The following CNNM4 variants were observed in gnomAD, a reference collection of about 807,000 sequenced individuals.
The protein encoded by CNNM4 is cyclin and CBS domain divalent metal cation transport mediator 4, also known as metal transporter CNNM4.
In CNNM4, 32 loss-of-function variants were observed where a neutral mutation model predicts 53.7. The observed-to-expected ratio is 0.60, with a 90% CI of 0.45 to 0.80. The LOEUF (loss-of-function observed/expected upper bound fraction) is 0.80, where lower values mean the gene tolerates loss of function less well. CNNM4 is among the 30% of genes least tolerant of loss of function. The probability of loss-of-function intolerance (pLI) is 0.00; values close to 1 mark genes in which losing one functional copy is unlikely to be tolerated. For missense variants in CNNM4, 784 were observed against 1,022.0 expected (o/e 0.77, Z 3.17); for synonymous variants, 410 against 440.0 (o/e 0.93, Z 0.85).
intron 5 of CNNM4, among the ~76,000 whole-genome samples, chr2:96,799,996 A>G (rs2153349917): frequency 6.6e-6 from 1 of 152,286 alleles, no homozygotes; most frequent in African/African-American, 2.4e-5. Context: ...TCCTGAGGAC[A>G]GGAGGGGAGT....
In CNNM4 at chr2:96,801,281, AT is replaced by A; in HGVS notation, c.1948+1636del. The stretch of plus-strand genomic sequence containing the variant: ...AGTGGCTCTGCTTGGCTGGGGCCCA[AT>A]TTCTAGGCAGCTTTGCTGCCTCAGC... On this transcript the variant is annotated intron_variant, in intron 5 of 6. Transcript: ENST00000377075. This position sits in a 1 kb window ranked among gnomAD's most constrained non-coding sequence, Gnocchi z 5.6. 1 of 292,622 alleles carries A rather than the reference AT, an allele frequency of 3.4e-6. No homozygotes were observed. The highest frequency in any genetic ancestry group is 5.1e-6 in the Non-Finnish European group (1 of 196,604). 18.1% of individuals were successfully genotyped at this position (292,622 alleles called of 1,614,324 possible). A position where few individuals can be genotyped will look rare whatever the true frequency, so the allele number is the denominator to read the frequency against.
chr2:96,760,920 G>T lies in CNNM4; in HGVS notation c.-80G>T, dbSNP rs1250143204. ...CCCGGGCAGTTGGCTCGGCGGCAGC[G>T]GAGCGGCCGGAGCTGCGGTGCGGAC... is the stretch of plus-strand genomic sequence containing the variant. On this transcript the variant is annotated 5_prime_UTR_variant, in exon 1 of 7. Coordinates refer to ENST00000377075, the MANE Select transcript of CNNM4 (RefSeq NM_020184.4). 27 of 791,138 alleles carry T rather than the reference G, an allele frequency of 3.4e-5. No individual in the cohort carries two copies. Among genetic ancestry groups the T allele is most frequent in the Non-Finnish European group, 4.0e-5 (26 of 652,310 alleles). 49.0% of individuals were successfully genotyped at this position (791,138 alleles called of 1,614,324 possible).
intron 1 of CNNM4, among the ~76,000 whole-genome samples, chr2:96,768,668 G>T (rs1156410327): frequency 6.6e-6 from 1 of 152,218 alleles, no homozygotes; most frequent in Admixed American, 6.5e-5. Context: ...GAGGTAAGTG[G>T]TGGTCATAAT....
At chr2:96,762,724 C>T (rs1032852097) in intron 1 of CNNM4, among the ~76,000 whole-genome samples, 13 of 151,890 alleles carry the variant, frequency 8.6e-5, no homozygotes, top group African/African-American at 3.1e-4. Context: ...GAGGCCAGGG[C>T]GATGGAGATT....
rs1358935849 is a variant in CNNM4, at chr2:96,808,822, C to CA, written c.2130+81dup. 54 of 1,420,084 alleles carry CA rather than the reference C, an allele frequency of 3.8e-5. No individual in the cohort carries two copies. The East Asian group carries it at 1.1e-3, about 30-fold the overall frequency. The allele number at this position is 1,420,084 out of a possible 1,614,324, so 88.0% of individuals were successfully genotyped here. A position where few individuals can be genotyped will look rare whatever the true frequency, so the allele number is the denominator to read the frequency against. ...TACTACTTTCATCCACCAAACCCAGCATGGTGGGCCCAAACCCGAGATGCC... is the reference window on the plus strand; with the variant it reads ...TACTACTTTCATCCACCAAACCCAGCAATGGTGGGCCCAAACCCGAGATGCC... On this transcript the variant is annotated intron_variant, in intron 6 of 6. Coordinates refer to ENST00000377075, the MANE Select transcript of CNNM4 (RefSeq NM_020184.4). The surrounding 1 kb of genome is among the most constrained non-coding windows in gnomAD (Gnocchi z 4.9).
At chr2:96,766,813 G>A (rs1189917336) in intron 1 of CNNM4, among the ~76,000 whole-genome samples, 1 of 152,160 alleles carries the variant, frequency 6.6e-6, no homozygotes, top group East Asian at 1.9e-4. Flanking sequence ...GTCTGTTTTG[G>A]CAGAGGATCA....
chr2:96,777,365 T>C (rs534143950), intron 1 of CNNM4, among the ~76,000 whole-genome samples: 1 of 152,262 alleles, frequency 6.6e-6, no homozygotes, highest in East Asian at 1.9e-4. Context: ...TATTTCTTTT[T>C]TGAGATACAG....
At chr2:96,776,975 T>C (rs937553470) in intron 1 of CNNM4, among the ~76,000 whole-genome samples, 81 of 152,000 alleles carry the variant, frequency 5.3e-4, no homozygotes, top group African/African-American at 1.9e-3. Flanking sequence ...TTTTATATGC[T>C]TATTGTCCAT....
In CNNM4 at chr2:96,808,586, A is replaced by ACTCAGCCG; in HGVS notation, c.1982_1989dup (p.Ser664AlafsTer73). On this transcript the variant is annotated frameshift_variant, in exon 6 of 7. Coordinates refer to ENST00000377075, the MANE Select transcript of CNNM4 (RefSeq NM_020184.4). LOFTEE classifies it high-confidence loss of function. The surrounding 1 kb of genome is among the most constrained non-coding windows in gnomAD (Gnocchi z 4.9). ...ACCGTTCCCCAGCACACCCCACCCC[A>ACTCAGCCG]CTCAGCCGCTCAGCCTCCCTCAGTT... The ACTCAGCCG allele has an allele frequency of 6.2e-7, 1 of 1,613,706 alleles. No individual in the cohort carries two copies. The highest frequency in any genetic ancestry group is 8.5e-7 in the Non-Finnish European group (1 of 1,179,904).
Position 96,761,735 on chromosome 2 carries a change from T to A in CNNM4, c.736T>A (p.Leu246Met). The change falls in exon 1 of 7, where the codon TTG (leucine) becomes ATG (methionine). Residue 246 changes from leucine (L) to methionine (M), a missense_variant. By Grantham distance (15) the Leu-to-Met change is conservative. Transcript: ENST00000377075. This position sits in a 1 kb window ranked among gnomAD's most constrained non-coding sequence, Gnocchi z 6.0. ...RRKGNYLLCSLLLGNVLVNTS... is the reference protein window; with the variant it reads ...RRKGNYLLCSMLLGNVLVNTS... ...CAAGGGCAACTACCTTCTCTGCTCG[T>A]TGCTCCTAGGGAACGTGCTGGTCAA... The A allele has an allele frequency of 6.2e-7, 1 of 1,610,110 alleles. No homozygotes were observed. The highest frequency in any genetic ancestry group is 8.5e-7 in the Non-Finnish European group (1 of 1,179,972).
In CNNM4 at chr2:96,761,121, C is replaced by A. The variant is rs1220287218; in HGVS notation, c.122C>A (p.Pro41His). Residue 41 changes from proline to histidine, a missense_variant, in exon 1 of 7, where the codon CCC becomes CAC. Physicochemically the swap from Pro to His is moderately conservative, Grantham distance 77. This residue lies in a region of CNNM4 where 473 missense variants were observed against 624.6 expected (regional missense o/e 0.76). Transcript: ENST00000377075. The surrounding 1 kb of genome is among the most constrained non-coding windows in gnomAD (Gnocchi z 6.0). The stretch of plus-strand genomic sequence containing the variant: ...CTGGGGGCCCGGGGCCAGGGCAGCC[C>A]CCAGCAGGGCACGATCGTGGGCATG... ...WALGARGQGSPQQGTIVGMRL... is the reference protein window; with the variant it reads ...WALGARGQGSHQQGTIVGMRL... 1 of 1,586,962 alleles carries A rather than the reference C, an allele frequency of 6.3e-7. No homozygotes were observed. The highest frequency in any genetic ancestry group is 8.6e-7 in the Non-Finnish European group (1 of 1,162,474).
Position 96,761,037 on chromosome 2 carries a change from G to T in CNNM4, c.38G>T (p.Gly13Val). ...GGCGGGGGCGGGCGCCCGGTCGGCG[G>T]ACCGGCCCGCGGGCGCCTCCTCCTG... is the stretch of plus-strand genomic sequence containing the variant. ...PVGGGGRPVG[G>V]PARGRLLLAA... Residue 13 changes from glycine to valine, a missense_variant, in exon 1 of 7, where the codon GGA becomes GTA. By Grantham distance (109) the Gly-to-Val change is moderately radical (BLOSUM62 -3). Coordinates refer to ENST00000377075, the MANE Select transcript of CNNM4 (RefSeq NM_020184.4). This position sits in a 1 kb window ranked among gnomAD's most constrained non-coding sequence, Gnocchi z 6.0. 8.2e-7 allele frequency: 1 copy of T among 1,222,674 alleles called. No homozygotes were observed. 75.7% of individuals were successfully genotyped at this position (1,222,674 alleles called of 1,614,324 possible).
intron 1 of CNNM4, among the ~76,000 whole-genome samples, chr2:96,796,391 C>T (rs929077249): frequency 5.3e-5 from 8 of 151,928 alleles, no homozygotes; most frequent in Non-Finnish European, 7.4e-5. Flanking sequence ...GCAATCTGCC[C>T]GCTTCAGCCC....
chr2:96,784,863 A>G (rs2079002944), intron 1 of CNNM4, among the ~76,000 whole-genome samples: 1 of 152,182 alleles, frequency 6.6e-6, no homozygotes, highest in African/African-American at 2.4e-5. Flanking sequence ...CAACTGAGGC[A>G]TAGCTATCTT....
chr2:96,807,652 T>C (rs183984785), intron 5 of CNNM4, among the ~76,000 whole-genome samples: 71 of 151,966 alleles, frequency 4.7e-4, no homozygotes, highest in African/African-American at 1.7e-3. Flanking sequence ...GCAGAATTGC[T>C]TAAACCTGGG....
intron 1 of CNNM4, among the ~76,000 whole-genome samples, chr2:96,768,789 T>C (rs984231440): frequency 6.6e-6 from 1 of 152,158 alleles, no homozygotes; most frequent in Non-Finnish European, 1.5e-5. Context: ...TTGAACTCAG[T>C]GGGTCTGGGT....
chr2:96,791,814 A>G (rs1285625871), intron 1 of CNNM4, among the ~76,000 whole-genome samples: 6 of 151,918 alleles, frequency 3.9e-5, no homozygotes, highest in Admixed American at 3.3e-4. Context: ...GATGGTTTCT[A>G]TTTTCTGTTT....
chr2:96,809,542 C>A lies in CNNM4; in HGVS notation c.*25C>A. The A allele has an allele frequency of 6.2e-7, 1 of 1,610,628 alleles. No homozygotes were observed. The highest frequency in any genetic ancestry group is 8.5e-7 in the Non-Finnish European group (1 of 1,177,014). Reference sequence around the variant, plus strand: ...ACAGGAGGGCCCGGGGCCCCCTGCCCACCCTGCGGGGGCCTCCCCAGTGGG... The same window carrying A: ...ACAGGAGGGCCCGGGGCCCCCTGCCAACCCTGCGGGGGCCTCCCCAGTGGG... On this transcript the variant is annotated 3_prime_UTR_variant, in exon 7 of 7. Coordinates refer to ENST00000377075, the MANE Select transcript of CNNM4 (RefSeq NM_020184.4).
chr2:96,763,600 C>G (rs1175986037), intron 1 of CNNM4, among the ~76,000 whole-genome samples: 1 of 152,132 alleles, frequency 6.6e-6, no homozygotes, highest in Non-Finnish European at 1.5e-5. Context: ...GGAATCCTAG[C>G]AGGGAGTGAG....
Sources: gnomAD v4.1 joint callset for allele counts (sites outside exome capture counted in the v4.1 genomes callset) on GRCh38, gnomAD v4.1.1 for gene constraint, gnomAD v4.1.1 regional missense constraint, Gnocchi (gnomAD v3.1) non-coding constraint, MANE v1.5 for transcripts, NCBI Gene and HGNC (gene_info 2026-07-23, HGNC 2026-07-21) for gene names.